MSH3: variants seen among roughly 807,000 people sequenced by gnomAD.
MSH3 encodes the protein mutS homolog 3.
In MSH3, 106 loss-of-function variants were observed where a neutral mutation model predicts 123.3. That is an observed-to-expected ratio of 0.86 (90% confidence interval 0.73 to 1.01). The LOEUF (loss-of-function observed/expected upper bound fraction) is 1.01. Among genes scored for constraint, MSH3 ranks in the 50% least tolerant of loss-of-function variants. MSH3 has a pLI of 0.00. For synonymous variants in MSH3, 515 were observed against 481.4 expected, an observed-to-expected ratio of 1.07 and a Z score of -0.91; for missense variants, 1,459 against 1,347.6, an observed-to-expected ratio of 1.08 and a Z score of -1.29.
At chr5:80,812,323 T>G (rs1745022185) in intron 19 of MSH3, among the ~76,000 whole-genome samples, 1 of 152,202 alleles carries the variant, frequency 6.6e-6, no homozygotes, top group African/African-American at 2.4e-5. Flanking sequence ...TTTTGGCTTT[T>G]GTCTATCTTT....
intron 8 of MSH3, among the ~76,000 whole-genome samples, chr5:80,716,016 C>G (rs1204566441): frequency 6.6e-5 from 10 of 152,170 alleles, no homozygotes; most frequent in Non-Finnish European, 1.2e-4. Flanking sequence ...CTTTAGTGCT[C>G]TCTCTGGCAG....
rs1580034851 is a variant in MSH3 at position 80,768,883 on chromosome 5, A to G, written c.2133A>G (p.Leu711=). The G allele has an allele frequency of 1.9e-6, 3 of 1,611,436 alleles. No individual in the cohort carries two copies. The highest frequency in any genetic ancestry group is 2.5e-6 in the Non-Finnish European group (3 of 1,177,856). Residue 711 remains leucine, a synonymous_variant, in exon 15 of 24, where the codon TTA becomes TTG. Coordinates refer to ENST00000265081, the MANE Select transcript of MSH3 (RefSeq NM_002439.5). ...TTAAAGACCTTTCTGACTTCCCTTT[A>G]ATAAAAAAGAGGAAGGATGAAATTC... is the stretch of plus-strand genomic sequence containing the variant. ...ELFKDLSDFP[L]IKKRKDEIQG... is the part of the protein sequence containing the mutation.
At chr5:80,780,044 C>T (rs1490155570) in intron 17 of MSH3, among the ~76,000 whole-genome samples, 1 of 152,112 alleles carries the variant, frequency 6.6e-6, no homozygotes, top group African/African-American at 2.4e-5. Context: ...TGTTATTTTA[C>T]CATGGTATTT....
At chr5:80,670,407 G>A in intron 4 of MSH3, 98 bp downstream of exon 4, 3 of 1,225,032 alleles carry the variant, frequency 2.4e-6, no homozygotes, top group South Asian at 2.6e-5. Context: ...TATAAAAGCT[G>A]ATTTGATCAA....
chr5:80,711,526 G>T (rs909024865), intron 8 of MSH3, among the ~76,000 whole-genome samples: 1 of 152,112 alleles, frequency 6.6e-6, no homozygotes, highest in Non-Finnish European at 1.5e-5. Context: ...CCTCACCTTG[G>T]TTCACTGTTG....
At chr5:80,746,579 C>G (rs1189745325) in intron 12 of MSH3, 1 of 393,454 alleles carries the variant, frequency 2.5e-6, no homozygotes, top group Non-Finnish European at 5.0e-6. Context: ...GGAGGGATCT[C>G]CTCTGTTCGT....
chr5:80,792,705 T>TA lies in MSH3; in HGVS notation c.2544-25dup, dbSNP rs773232852. ...TTTTTAAGGCTATTTCCATGCCTAGTAAATTGAAACATATTTCTTTTTTGC... is the reference window on the plus strand; with the variant it reads ...TTTTTAAGGCTATTTCCATGCCTAGTAAAATTGAAACATATTTCTTTTTTGC... On this transcript the variant is annotated intron_variant, in intron 18 of 23. Coordinates refer to ENST00000265081, the MANE Select transcript of MSH3 (RefSeq NM_002439.5). 5.0e-6 allele frequency: 7 copies of TA among 1,397,878 alleles called. No homozygotes were observed. The South Asian group carries it at 5.8e-5, about 12-fold the overall frequency. The allele number at this position is 1,397,878 out of a possible 1,614,324, so 86.6% of individuals were successfully genotyped here.
intron 21 of MSH3, among the ~76,000 whole-genome samples, chr5:80,859,699 T>C (rs1046958833): frequency 6.6e-6 from 1 of 151,682 alleles, no homozygotes; most frequent in African/African-American, 2.4e-5. Context: ...TTTTATATTA[T>C]TTCATTTTCT....
chr5:80,679,527 T>C (rs1749922113), intron 8 of MSH3, among the ~76,000 whole-genome samples: 1 of 152,228 alleles, frequency 6.6e-6, no homozygotes, highest in Non-Finnish European at 1.5e-5. Context: ...TTTCTAGAGA[T>C]AATTTAGAGT....
intron 19 of MSH3, 120 bp from the exon 20 acceptor site, chr5:80,813,464 T>C (rs1745043994): frequency 9.6e-7 from 1 of 1,041,784 alleles, no homozygotes; most frequent in African/African-American, 1.6e-5. Context: ...CGCTTTCCTT[T>C]TGTGATATTT....
chr5:80,804,404 G>A (rs1286104734), intron 19 of MSH3, among the ~76,000 whole-genome samples: 1 of 152,182 alleles, frequency 6.6e-6, no homozygotes, highest in Non-Finnish European at 1.5e-5. Context: ...GTTTGTACTT[G>A]TTCTTGGGAA....
chr5:80,873,297 A>T lies in MSH3; in HGVS notation c.3302+10A>T. On this transcript the variant is annotated intron_variant, in intron 23 of 23. Transcript: ENST00000265081. ...TAATAAATACGAAAAGGTCAGAGTG[A>T]TTATGCTGCATTTTTTCATTTGTAA... is the stretch of plus-strand genomic sequence containing the variant. 1 of 1,613,508 alleles carries T rather than the reference A, an allele frequency of 6.2e-7. No homozygotes were observed. The highest frequency in any genetic ancestry group is 8.5e-7 in the Non-Finnish European group (1 of 1,179,698).
At chr5:80,804,248 G>T (rs1359919928) in intron 19 of MSH3, among the ~76,000 whole-genome samples, 1 of 152,178 alleles carries the variant, frequency 6.6e-6, no homozygotes, top group Non-Finnish European at 1.5e-5. Context: ...TTTATGTAGA[G>T]CCCTGGGACC....
chr5:80,731,353 T>A (rs891227304), intron 10 of MSH3, among the ~76,000 whole-genome samples: 16 of 152,164 alleles, frequency 1.1e-4, no homozygotes, highest in African/African-American at 3.9e-4. Flanking sequence ...TCATAATTGA[T>A]GGTGGAGGAT....
At chr5:80,685,840 G>A (rs930156312) in intron 8 of MSH3, among the ~76,000 whole-genome samples, 3 of 151,866 alleles carry the variant, frequency 2.0e-5, no homozygotes, top group African/African-American at 7.3e-5. Flanking sequence ...ATAGGTTTTG[G>A]TATGTGTTTT....
chr5:80,843,903 T>TTC (rs979887983), intron 20 of MSH3, among the ~76,000 whole-genome samples: 1 of 151,862 alleles, frequency 6.6e-6, no homozygotes, highest in African/African-American at 2.4e-5. Context: ...TCTCCTTCAG[T>TTC]TCTGCTCTGA....
At chr5:80,842,496 G>A (rs1745644775) in intron 20 of MSH3, among the ~76,000 whole-genome samples, 1 of 152,048 alleles carries the variant, frequency 6.6e-6, no homozygotes, top group African/African-American at 2.4e-5. Flanking sequence ...AATTACCTTG[G>A]GCAGTATGGC....
chr5:80,802,729 C>T (rs1239103447), intron 19 of MSH3, among the ~76,000 whole-genome samples: 1 of 152,122 alleles, frequency 6.6e-6, no homozygotes, highest in Non-Finnish European at 1.5e-5. Context: ...CCCTACTACC[C>T]TTCCCAGCCT....
intron 20 of MSH3, among the ~76,000 whole-genome samples, chr5:80,835,462 G>GT (rs1287478729): frequency 6.6e-6 from 1 of 151,610 alleles, no homozygotes; most frequent in African/African-American, 2.4e-5. Context: ...TAAGCGGAAG[G>GT]TAAAAAAATA....
Sources: gnomAD v4.1 joint callset for allele counts (sites outside exome capture counted in the v4.1 genomes callset) on GRCh38, gnomAD v4.1.1 for gene constraint, MANE v1.5 for transcripts, NCBI Gene and HGNC (gene_info 2026-07-23, HGNC 2026-07-21) for gene names.